MCC: variants seen among roughly 807,000 people sequenced by gnomAD.
MCC encodes colorectal mutant cancer protein.
A neutral mutation model predicts 116.2 loss-of-function variants in MCC; 90 were observed. The observed-to-expected ratio is 0.77, with a 90% CI of 0.65 to 0.92. MCC has a LOEUF of 0.92. MCC is among the 40% of genes least tolerant of loss of function. MCC has a pLI of 0.00. For missense variants in MCC, 1,516 were observed against 1,312.2 expected (o/e 1.16, Z -2.40); for synonymous variants, 578 against 510.5 (o/e 1.13, Z -1.78).
At chr5:113,111,655 C>T (rs1018887102) in intron 6 of MCC, among the ~76,000 whole-genome samples, 8 of 152,224 alleles carry the variant, frequency 5.3e-5, no homozygotes, top group Non-Finnish European at 1.2e-4. Flanking sequence ...CACAAATACA[C>T]TACAGGAACT....
intron 3 of MCC, among the ~76,000 whole-genome samples, chr5:113,191,796 C>T (rs1762163240): frequency 6.6e-6 from 1 of 152,158 alleles, no homozygotes; most frequent in African/African-American, 2.4e-5. Context: ...GCCACCACTC[C>T]CCATGAAGGC....
intron 16 of MCC, among the ~76,000 whole-genome samples, chr5:113,046,470 G>A (rs1752081594): frequency 6.6e-6 from 1 of 151,852 alleles, no homozygotes; most frequent in South Asian, 2.1e-4. Context: ...GGGATTATAG[G>A]TATCAGCCAC....
intron 3 of MCC, among the ~76,000 whole-genome samples, chr5:113,180,386 T>C (rs923478468): frequency 6.6e-6 from 1 of 152,170 alleles, no homozygotes; most frequent in Non-Finnish European, 1.5e-5. Flanking sequence ...ATGGAATATA[T>C]TGTATAGAGA....
chr5:113,132,810 C>T (rs903851234), intron 5 of MCC, among the ~76,000 whole-genome samples: 1 of 152,098 alleles, frequency 6.6e-6, no homozygotes, highest in Non-Finnish European at 1.5e-5. Context: ...CTCAGTGTCC[C>T]AATTTCCTCT....
intron 3 of MCC, among the ~76,000 whole-genome samples, chr5:113,229,451 C>T (rs525375): frequency 0.096 from 14,562 of 152,212 alleles, 923 homozygotes; most frequent in South Asian, 0.16. Flanking sequence ...TCAATTAACA[C>T]GCAAATGGAG....
At chr5:113,038,772 C>G (rs761207486) in intron 17 of MCC, among the ~76,000 whole-genome samples, 2 of 152,146 alleles carry the variant, frequency 1.3e-5, no homozygotes, top group African/African-American at 4.8e-5. Context: ...TGTCTTCCAG[C>G]AGTGGCAGCT....
intron 1 of MCC, among the ~76,000 whole-genome samples, chr5:113,430,996 AAAAAGAAAAGGAGC>A (rs1770623925): frequency 1.3e-5 from 2 of 152,180 alleles, no homozygotes; most frequent in Non-Finnish European, 2.9e-5. Flanking sequence ...GCAATGGTCT[AAAAAGAAAAGGAGC>A]CAGTGGCAAC....
intron 1 of MCC, among the ~76,000 whole-genome samples, chr5:113,467,660 G>A (rs1482123238): frequency 1.7e-4 from 26 of 152,092 alleles, no homozygotes; most frequent in Non-Finnish European, 3.5e-4. Flanking sequence ...TTGACTTGGC[G>A]ACACGGGCTC....
intron 2 of MCC, among the ~76,000 whole-genome samples, chr5:113,375,095 G>A (rs769214294): frequency 2.6e-5 from 4 of 151,776 alleles, no homozygotes; most frequent in South Asian, 2.1e-4. Flanking sequence ...CATATAACTC[G>A]GTATGATGCA....
Position 113,269,815 on chromosome 5 carries a change from A to G in MCC, c.627+70704T>C, listed in dbSNP as rs146260079. ...CTAGAAGGGTGACAGCGAAAACCCC[A>G]CTGACAGACTGCTTTTATTTTTCTC... is the stretch of plus-strand genomic sequence containing the variant. On this transcript the variant is annotated intron_variant, in intron 3 of 18. Coordinates refer to ENST00000408903, the MANE Select transcript of MCC (RefSeq NM_001085377.2). Among the ~76,000 whole-genome samples the G allele has an allele frequency of 1.2e-3, 184 of 152,338 alleles. 5 individuals are homozygous for G. The East Asian group carries it at 0.02, about 17-fold the overall frequency.
intron 3 of MCC, among the ~76,000 whole-genome samples, chr5:113,190,404 A>G (rs1261153165): frequency 6.6e-6 from 1 of 152,200 alleles, no homozygotes; most frequent in Non-Finnish European, 1.5e-5. Flanking sequence ...GCAAAATCAC[A>G]TGCGGAAGGA....
At chr5:113,483,980 G>A (rs756931854) in intron 1 of MCC, among the ~76,000 whole-genome samples, 5 of 152,168 alleles carry the variant, frequency 3.3e-5, no homozygotes, top group African/African-American at 9.6e-5. Context: ...ACATATAAGC[G>A]GGAGCTAAAT....
In MCC at chr5:113,082,940, G is replaced by GA. The variant is rs1754960917; in HGVS notation, c.1703dup (p.Gln569ProfsTer16). 1 of 1,614,014 alleles carries GA rather than the reference G, an allele frequency of 6.2e-7. No individual in the cohort carries two copies. Among genetic ancestry groups the GA allele is most frequent in the Non-Finnish European group, 8.5e-7 (1 of 1,180,014 alleles). On this transcript the variant is annotated frameshift_variant, in exon 11 of 19. Transcript: ENST00000408903. LOFTEE classifies it high-confidence loss of function. ...CAGATCCGTGTGAGTAGAGTGTTTG[G>GA]AAAATCTCTTGGATATTGGAGCAGT...
intron 3 of MCC, among the ~76,000 whole-genome samples, chr5:113,323,582 C>T (rs987812558): frequency 6.6e-6 from 1 of 152,158 alleles, no homozygotes; most frequent in African/African-American, 2.4e-5. Flanking sequence ...CAAATTCCTG[C>T]AGGGAAATGG....
intron 5 of MCC, among the ~76,000 whole-genome samples, chr5:113,134,973 G>C (rs1377572826): frequency 1.4e-5 from 2 of 140,364 alleles, no homozygotes; most frequent in Non-Finnish European, 3.0e-5. Flanking sequence ...ACAGAGTCTC[G>C]CTCTGTCTCC....
chr5:113,276,542 G>A (rs1015114785), intron 3 of MCC, among the ~76,000 whole-genome samples: 6 of 152,060 alleles, frequency 3.9e-5, no homozygotes, highest in Non-Finnish European at 5.9e-5. Context: ...TGCTTATAAC[G>A]AACACAGATT....
At chr5:113,111,070 A>G (rs1019890579) in intron 6 of MCC, among the ~76,000 whole-genome samples, 3 of 152,308 alleles carry the variant, frequency 2.0e-5, no homozygotes, top group East Asian at 3.9e-4. Flanking sequence ...TGGCCTCCTG[A>G]TAAGAGCTCA....
chr5:113,078,689 C>T (rs1465319278), intron 11 of MCC, among the ~76,000 whole-genome samples: 3 of 152,158 alleles, frequency 2.0e-5, no homozygotes, highest in Non-Finnish European at 4.4e-5. Flanking sequence ...ATGACAAACC[C>T]ACAGCCAATA....
intron 8 of MCC, among the ~76,000 whole-genome samples, chr5:113,090,507 G>A (rs547005122): frequency 2.6e-5 from 4 of 152,310 alleles, no homozygotes; most frequent in African/African-American, 7.2e-5. Context: ...AAACCACAAC[G>A]GAGATAAGAA....
Sources: gnomAD v4.1 joint callset for allele counts (sites outside exome capture counted in the v4.1 genomes callset) on GRCh38, gnomAD v4.1.1 for gene constraint, MANE v1.5 for transcripts, NCBI Gene and HGNC (gene_info 2026-07-23, HGNC 2026-07-21) for gene names.